FMN2: variants seen among roughly 807,000 people sequenced by gnomAD.
FMN2 encodes the protein formin 2, also known as formin-2.
A neutral mutation model predicts 142.3 loss-of-function variants in FMN2; 51 were observed. The observed-to-expected ratio is 0.36, with a 90% CI of 0.29 to 0.45. FMN2 has a LOEUF of 0.45. FMN2 is among the 20% of genes least tolerant of loss of function. The pLI, the probability that FMN2 is intolerant of heterozygous loss-of-function variation, is 1.00. For missense variants in FMN2, 1,936 were observed against 2,122.8 expected, an observed-to-expected ratio of 0.91 and a Z score of 1.73; for synonymous variants, 882 against 869.8, an observed-to-expected ratio of 1.01 and a Z score of -0.25.
intron 1 of FMN2, among the ~76,000 whole-genome samples, chr1:240,121,210 CTAACAT>C (rs1662230336): frequency 6.6e-6 from 1 of 151,918 alleles, no homozygotes; most frequent in South Asian, 2.1e-4. Context: ...TGCACTCTCG[CTAACAT>C]TAGAACCAAC....
At chr1:240,233,291 G>A (rs1256913597) in intron 6 of FMN2, among the ~76,000 whole-genome samples, 1 of 151,432 alleles carries the variant, frequency 6.6e-6, no homozygotes, top group Non-Finnish European at 1.5e-5. Flanking sequence ...TGAGGCAGGA[G>A]AATCGCTCAA....
chr1:240,329,074 A>G lies in FMN2; in HGVS notation c.4216-2A>G. The G allele has an allele frequency of 6.2e-7, 1 of 1,613,618 alleles. No homozygotes were observed. The highest frequency in any genetic ancestry group is 8.5e-7 in the Non-Finnish European group (1 of 1,179,792). On this transcript the variant is annotated splice_acceptor_variant, in intron 8 of 17. Coordinates refer to ENST00000319653, the MANE Select transcript of FMN2 (RefSeq NM_020066.5). LOFTEE classifies it high-confidence loss of function. Reference sequence around the variant, plus strand: ...AAAACTATTTGGTTTTTGTTTTTCTAGAGAGCACAGTCAGACGAACTCGAA... The same window carrying G: ...AAAACTATTTGGTTTTTGTTTTTCTGGAGAGCACAGTCAGACGAACTCGAA...
chr1:240,432,298 T>A (rs1440676172), intron 15 of FMN2, among the ~76,000 whole-genome samples: 1 of 152,020 alleles, frequency 6.6e-6, no homozygotes, highest in Non-Finnish European at 1.5e-5. Context: ...TAAAATTGTT[T>A]ACAACATCAT....
chr1:240,241,244 A>ATTTTT (rs75842695), intron 6 of FMN2, among the ~76,000 whole-genome samples: 1 of 136,592 alleles, frequency 7.3e-6, no homozygotes, highest in Non-Finnish European at 1.6e-5. Context: ...TTTTAATTGT[A>ATTTTT]TTTTTTTTTT....
At chr1:240,296,187 G>GTACTACA in intron 8 of FMN2, among the ~76,000 whole-genome samples, 1 of 142,286 alleles carries the variant, frequency 7.0e-6, no homozygotes, top group East Asian at 2.1e-4. Context: ...CTTTTGTTAT[G>GTACTACA]TAGTACTTTT....
intron 3 of FMN2, among the ~76,000 whole-genome samples, chr1:240,187,656 T>C (rs144253109): frequency 1.3e-3 from 191 of 152,332 alleles, no homozygotes; most frequent in Non-Finnish European, 2.2e-3. Context: ...TAGGTCTTTT[T>C]AGAATGATGA....
At chr1:240,287,324 C>T (rs1669624398) in intron 7 of FMN2, among the ~76,000 whole-genome samples, 1 of 152,152 alleles carries the variant, frequency 6.6e-6, no homozygotes, top group African/African-American at 2.4e-5. Context: ...AAGGTCTTTG[C>T]TTCTCAGCAG....
chr1:240,403,549 G>A (rs760330382), intron 15 of FMN2, among the ~76,000 whole-genome samples: 2 of 152,150 alleles, frequency 1.3e-5, no homozygotes, highest in East Asian at 1.9e-4. Context: ...CAAGAGAATT[G>A]CTTGAACCCA....
chr1:240,465,458 G>C (rs138988181), intron 16 of FMN2, among the ~76,000 whole-genome samples: 1 of 151,678 alleles, frequency 6.6e-6, no homozygotes, highest in African/African-American at 2.4e-5. Flanking sequence ...AGACCTGATG[G>C]TGTTATGTTT....
chr1:240,365,806 C>T (rs1373115715), intron 14 of FMN2, among the ~76,000 whole-genome samples: 2 of 152,144 alleles, frequency 1.3e-5, no homozygotes, highest in Non-Finnish European at 2.9e-5. Context: ...ATGTTGAACT[C>T]ATGGCTGGCA....
chr1:240,154,621 A>G (rs1165540193), intron 2 of FMN2: 1 of 152,116 alleles, frequency 6.6e-6, no homozygotes, highest in African/African-American at 2.4e-5. Flanking sequence ...GAATCATTAG[A>G]GGTCTCAAAT....
At chr1:240,401,745 A>G (rs1406169908) in intron 15 of FMN2, among the ~76,000 whole-genome samples, 1 of 152,220 alleles carries the variant, frequency 6.6e-6, no homozygotes, top group Non-Finnish European at 1.5e-5. Context: ...GAAGTTTCCC[A>G]GAGCTTTTGA....
rs568304824 is a variant in FMN2 at position 240,312,005 on chromosome 1, A to G, written c.4216-17071A>G. Among the ~76,000 whole-genome samples, 4 of 152,272 alleles carry G rather than the reference A, an allele frequency of 2.6e-5. No homozygotes were observed. In the South Asian group the frequency reaches 8.3e-4, roughly 32 times the overall value. On this transcript the variant is annotated intron_variant, in intron 8 of 17. Coordinates refer to ENST00000319653, the MANE Select transcript of FMN2 (RefSeq NM_020066.5). Reference sequence around the variant, plus strand: ...CATGCTGGCTTTCTCTTATTTTAATATGATATTTTTCTTTTATTAGTTGAC... The same window carrying G: ...CATGCTGGCTTTCTCTTATTTTAATGTGATATTTTTCTTTTATTAGTTGAC...
intron 15 of FMN2, among the ~76,000 whole-genome samples, chr1:240,434,707 A>T (rs370893639): frequency 6.8e-6 from 1 of 146,914 alleles, no homozygotes; most frequent in Non-Finnish European, 1.5e-5. Context: ...GATTACAGGC[A>T]CCCACAACCA....
intron 15 of FMN2, among the ~76,000 whole-genome samples, chr1:240,425,185 A>G (rs1206498177): frequency 3.7e-5 from 5 of 136,490 alleles, no homozygotes; most frequent in Non-Finnish European, 6.4e-5. Context: ...GATCTCACTA[A>G]GCAAGGATTT....
Position 240,205,891 on chromosome 1 carries a change from C to CTTT in FMN2, c.1987-888_1987-886dup, listed in dbSNP as rs57803350. ...ATGTTGGCCAGTTGTTATCAGCCATCTTTTTTTTTTTTTTTTTTTTTTGAG... is the reference window on the plus strand; with the variant it reads ...ATGTTGGCCAGTTGTTATCAGCCATCTTTTTTTTTTTTTTTTTTTTTTTTTGAG... On this transcript the variant is annotated intron_variant, in intron 4 of 17. Transcript: ENST00000319653. 2.8e-3 allele frequency among the ~76,000 whole-genome samples: 334 copies of CTTT among 120,498 alleles called. 7 individuals are homozygous for CTTT. The highest frequency in any genetic ancestry group is 0.011 in the South Asian group (42 of 3,740). The allele number at this position is 120,498 out of a possible 152,430, so 79.1% of individuals were successfully genotyped here.
chr1:240,179,813 A>G (rs1308469560), intron 3 of FMN2, among the ~76,000 whole-genome samples: 3 of 152,200 alleles, frequency 2.0e-5, no homozygotes, highest in African/African-American at 7.2e-5. Context: ...GAGCCCTTTT[A>G]TCCCATGTTT....
rs553795071 is a variant in FMN2 at position 240,113,871 on chromosome 1, G to C, written c.1616-9308G>C. ...TTTGACTCTTTAATAAACTGTGTTC[G>C]TATCTCTTGGTTTTGCAAAATCAGG... On this transcript the variant is annotated intron_variant, in intron 1 of 17. Transcript: ENST00000319653. 9.7e-4 allele frequency among the ~76,000 whole-genome samples: 147 copies of C among 152,216 alleles called. 1 individual carries two copies. Among genetic ancestry groups the C allele is most frequent in the Non-Finnish European group, 1.9e-3 (129 of 68,026 alleles).
At chr1:240,397,785 CAAAAA>C (rs35826717) in intron 15 of FMN2, among the ~76,000 whole-genome samples, 20 of 46,808 alleles carry the variant, frequency 4.3e-4, no homozygotes, top group East Asian at 4.0e-3. Context: ...GACTCCTTCT[CAAAAA>C]AAAAAAAAAA....
Sources: allele counts gnomAD v4.1 joint callset (sites outside exome capture counted in the v4.1 genomes callset), GRCh38; gene constraint gnomAD v4.1.1; transcripts MANE v1.5; gene names NCBI Gene and HGNC (gene_info 2026-07-23, HGNC 2026-07-21).